SCN7A: variants seen among roughly 807,000 people sequenced by gnomAD.
SCN7A encodes the protein sodium voltage-gated channel alpha subunit 7.
In SCN7A, 138 loss-of-function variants were observed where a neutral mutation model predicts 155.2. The ratio of observed to expected loss-of-function variants is 0.89; its 90% CI spans 0.77 to 1.02. The LOEUF (loss-of-function observed/expected upper bound fraction) is 1.02, where lower values mean the gene tolerates loss of function less well. Ranked by LOEUF, SCN7A falls within the 50% of genes least tolerant of loss-of-function variation. The pLI is 0.00. For missense variants in SCN7A, 2,058 were observed against 1,986.6 expected, an observed-to-expected ratio of 1.04 and a Z score of -0.68; for synonymous variants, 693 against 649.0, an observed-to-expected ratio of 1.07 and a Z score of -1.03.
At chr2:166,481,615 T>C (rs114557014) in intron 2 of SCN7A, among the ~76,000 whole-genome samples, 1,965 of 152,252 alleles carry the variant, frequency 0.013, 47 homozygotes, top group African/African-American at 0.045. Context: ...TCTGTGTTGA[T>C]AGAAGATGCA....
chr2:166,491,452 C>A (rs35534711), intron 1 of SCN7A, among the ~76,000 whole-genome samples: 1 of 151,888 alleles, frequency 6.6e-6, no homozygotes, highest in Non-Finnish European at 1.5e-5. Flanking sequence ...AAGAAGATGG[C>A]GCCTCATTTG....
At chr2:166,466,973 G>T (rs943096840) in intron 7 of SCN7A, among the ~76,000 whole-genome samples, 3 of 151,920 alleles carry the variant, frequency 2.0e-5, no homozygotes, top group Non-Finnish European at 4.4e-5. Context: ...GACTACAGAA[G>T]TGTGATAATC....
intron 11 of SCN7A, among the ~76,000 whole-genome samples, chr2:166,453,814 A>G (rs998800830): frequency 6.6e-6 from 1 of 152,166 alleles, no homozygotes; most frequent in South Asian, 2.1e-4. Flanking sequence ...CTGGTTTGCA[A>G]GCAGATCAGT....
intron 5 of SCN7A, among the ~76,000 whole-genome samples, chr2:166,473,417 A>G (rs1244560685): frequency 1.3e-5 from 2 of 151,692 alleles, no homozygotes; most frequent in African/African-American, 4.8e-5. Flanking sequence ...TTTTAATAAT[A>G]AAAACTCAAA....
At position 166,472,357 on chromosome 2, in the gene SCN7A, C is replaced by T. The variant is rs1471284628; in HGVS notation, c.532G>A (p.Asp178Asn). Reference sequence around the variant, plus strand: ...CTGAAATCGAGCCAGTTCCATGGATCACCGAGGAAGGAAAATGATCCTGCC... The same window carrying T: ...CTGAAATCGAGCCAGTTCCATGGATTACCGAGGAAGGAAAATGATCCTGCC... ...VWAGSFSFLG[D>N]PWNWLDFSVT... Residue 178 changes from aspartate (D) to asparagine (N), a missense_variant, in exon 6 of 26, where the codon GAT becomes AAT. By Grantham distance (23) the Asp-to-Asn change is conservative. Transcript: ENST00000643258. 1.2e-6 allele frequency: 2 copies of T among 1,608,578 alleles called. No individual in the cohort carries two copies. The highest frequency in any genetic ancestry group is 2.7e-5 in the African/African-American group (2 of 74,824).
chr2:166,450,910 A>G (rs760186303), intron 11 of SCN7A, among the ~76,000 whole-genome samples: 6 of 152,176 alleles, frequency 3.9e-5, no homozygotes, highest in Non-Finnish European at 7.3e-5. Flanking sequence ...AATTTATGCA[A>G]TTCCAAATTT....
chr2:166,475,183 T>C lies in SCN7A; in HGVS notation c.235-839A>G, dbSNP rs561827178. On this transcript the variant is annotated intron_variant, in intron 3 of 25. Transcript: ENST00000643258. ...AAAGTGTGTATATATATCCACCATA[T>C]ATCCATTTGGAAAAAAAATCTTATT... 1.0e-3 allele frequency among the ~76,000 whole-genome samples: 145 copies of C among 144,728 alleles called. 2 individuals carry two copies. The highest frequency in any genetic ancestry group is 4.1e-3 in the Middle Eastern group (1 of 242). The allele number at this position is 144,728 out of a possible 152,430, so 94.9% of individuals were successfully genotyped here.
chr2:166,447,255 A>G (rs188481957), intron 12 of SCN7A, among the ~76,000 whole-genome samples: 2 of 152,330 alleles, frequency 1.3e-5, no homozygotes, highest in African/African-American at 2.4e-5. Context: ...GCCTTTTGAT[A>G]TTGTCCATGA....
chr2:166,445,126 G>A lies in SCN7A; in HGVS notation c.1388-126C>T, dbSNP rs1337596149. Reference sequence around the variant, plus strand: ...AGTTCAGGAGTTCGAGACCAGCCTGGTCAATATAGTGAAACTTTGTCTCTA... The same window carrying A: ...AGTTCAGGAGTTCGAGACCAGCCTGATCAATATAGTGAAACTTTGTCTCTA... On this transcript the variant is annotated intron_variant, in intron 12 of 25. Coordinates refer to ENST00000643258, the MANE Select transcript of SCN7A (RefSeq NM_002976.4). 1.6e-5 allele frequency: 10 copies of A among 615,126 alleles called. No homozygotes were observed. The South Asian group carries it at 2.0e-4, about 12-fold the overall frequency. The allele number at this position is 615,126 out of a possible 1,614,324, so 38.1% of individuals were successfully genotyped here.
In SCN7A at chr2:166,432,703, T is replaced by C. The variant is rs1244902810; in HGVS notation, c.2207A>G (p.Asp736Gly). 5 of 1,586,248 alleles carry C rather than the reference T, an allele frequency of 3.2e-6. No homozygotes were observed. The highest frequency in any genetic ancestry group is 1.8e-5 in the Admixed American group (1 of 55,252). The change falls in exon 16 of 26, where the codon GAT (aspartate) becomes GGT (glycine). Residue 736 changes from aspartate (D) to glycine (G), a missense_variant. Asp to Gly is a moderately conservative substitution (Grantham distance 94, BLOSUM62 -1). Transcript: ENST00000643258. Reference sequence around the variant, plus strand: ...TTCATTATTCTCTTCAGCTGTTACATCCTTGCATGAACTAAATGAGCTCAC... The same window carrying C: ...TTCATTATTCTCTTCAGCTGTTACACCCTTGCATGAACTAAATGAGCTCAC... ...ALVSSFSSCKDVTAEENNEAK... is the reference protein window; with the variant it reads ...ALVSSFSSCKGVTAEENNEAK...
Position 166,477,663 on chromosome 2 carries a change from G to A in SCN7A, c.34C>T (p.Pro12Ser), listed in dbSNP as rs1373476879. Residue 12 changes from proline to serine, a missense_variant, in exon 3 of 26, where the codon CCC (proline) becomes TCC (serine). Pro to Ser is a moderately conservative substitution (Grantham distance 74, BLOSUM62 -1). Coordinates refer to ENST00000643258, the MANE Select transcript of SCN7A (RefSeq NM_002976.4). Reference protein sequence around the residue: ...LASPEPKGLVPFTKESFELIK... With the variant: ...LASPEPKGLVSFTKESFELIK... ...AGTTCAAAAGACTCTTTAGTGAAGG[G>A]AACAAGGCCCTTAGGTTCTGGTGAA... The A allele has an allele frequency of 6.3e-7, 1 of 1,595,048 alleles. No individual in the cohort carries two copies. The highest frequency in any genetic ancestry group is 8.5e-7 in the Non-Finnish European group (1 of 1,172,718).
chr2:166,489,479 T>C (rs1683032340), intron 1 of SCN7A, among the ~76,000 whole-genome samples: 1 of 152,160 alleles, frequency 6.6e-6, no homozygotes, highest in South Asian at 2.1e-4. Flanking sequence ...ACACTGAAGT[T>C]TGAGGAATAA....
At chr2:166,457,688 A>C (rs1223652878) in intron 10 of SCN7A, among the ~76,000 whole-genome samples, 1 of 152,224 alleles carries the variant, frequency 6.6e-6, no homozygotes, top group Non-Finnish European at 1.5e-5. Context: ...ATTTATAGAT[A>C]GCAAAATACA....
intron 1 of SCN7A, among the ~76,000 whole-genome samples, chr2:166,489,802 T>C (rs553187754): frequency 2.0e-5 from 3 of 152,308 alleles, no homozygotes; most frequent in Admixed American, 6.5e-5. Context: ...ATACGTCCAC[T>C]TAATTCTGGA....
At position 166,406,518 on chromosome 2, in the gene SCN7A, G is replaced by A. The variant is rs1256457811; in HGVS notation, c.4111C>T (p.Leu1371Phe). 6.2e-7 allele frequency: 1 copy of A among 1,612,856 alleles called. No individual in the cohort carries two copies. The highest frequency in any genetic ancestry group is 1.1e-5 in the South Asian group (1 of 91,068). Residue 1371 changes from leucine to phenylalanine, a missense_variant, in exon 26 of 26, where the codon CTT (leucine) becomes TTT (phenylalanine). Leu to Phe is a conservative substitution (Grantham distance 22). Transcript: ENST00000643258. ...GCTGGGAGGGACAGCATCAAAGGAAGCATCAGATTATGAAACACCTTTGGT... is the reference window on the plus strand; with the variant it reads ...GCTGGGAGGGACAGCATCAAAGGAAACATCAGATTATGAAACACCTTTGGT... ...KGPKVFHNLMLPLMLSLPALL... is the reference protein window; with the variant it reads ...KGPKVFHNLMFPLMLSLPALL...
chr2:166,412,060 C>T (rs1701214325), intron 23 of SCN7A, among the ~76,000 whole-genome samples: 1 of 152,022 alleles, frequency 6.6e-6, no homozygotes, highest in South Asian at 2.1e-4. Context: ...TGGGTTCAAG[C>T]ACTCCTACTT....
Position 166,484,080 on chromosome 2 carries a change from TTAA to T in SCN7A, c.-15+2773_-15+2775del, listed in dbSNP as rs544575567. On this transcript the variant is annotated intron_variant, in intron 2 of 25. Transcript: ENST00000643258. ...GGGAAATAATGTGTCTCTTGATATCTTAATAATTTTTTTAACACTAATAGCTTG... is the reference window on the plus strand; with the variant it reads ...GGGAAATAATGTGTCTCTTGATATCTTAATTTTTTTAACACTAATAGCTTG... 4.8e-3 allele frequency among the ~76,000 whole-genome samples: 732 copies of T among 152,144 alleles called. 5 individuals carry two copies. Among genetic ancestry groups the T allele is most frequent in the African/African-American group, 0.016 (684 of 41,560 alleles).
intron 1 of SCN7A, among the ~76,000 whole-genome samples, chr2:166,493,028 T>C (rs1683148303): frequency 6.6e-6 from 1 of 152,210 alleles, no homozygotes; most frequent in African/African-American, 2.4e-5. Context: ...TTATAGGTCT[T>C]ACTTGTAAAA....
intron 7 of SCN7A, among the ~76,000 whole-genome samples, chr2:166,468,485 A>G (rs1654892692): frequency 6.6e-6 from 1 of 152,070 alleles, no homozygotes; most frequent in African/African-American, 2.4e-5. Flanking sequence ...TCTAAAACAC[A>G]AATAAAATAT....
Sources: gnomAD v4.1 joint callset for allele counts (sites outside exome capture counted in the v4.1 genomes callset) on GRCh38, gnomAD v4.1.1 for gene constraint, MANE v1.5 for transcripts, NCBI Gene and HGNC (gene_info 2026-07-23, HGNC 2026-07-21) for gene names.